SYT1: variants seen among roughly 807,000 people sequenced by gnomAD.
The protein encoded by SYT1 is synaptotagmin 1.
In SYT1, 8 loss-of-function variants were observed where a neutral mutation model predicts 44.8. That is an observed-to-expected ratio of 0.18 (90% CI 0.10 to 0.32). SYT1 has a LOEUF of 0.32. Among genes scored for constraint, SYT1 ranks in the 10% least tolerant of loss-of-function variants. The probability of loss-of-function intolerance (pLI) is 1.00; values close to 1 mark genes in which losing one functional copy is unlikely to be tolerated. For missense variants in SYT1, 286 were observed against 509.3 expected (o/e 0.56, Z 4.22); for synonymous variants, 154 against 188.8 (o/e 0.82, Z 1.51).
chr12:79,130,491 C>T (rs1173340352), intron 3 of SYT1, among the ~76,000 whole-genome samples: 2 of 152,108 alleles, frequency 1.3e-5, no homozygotes, highest in African/African-American at 2.4e-5. Context: ...GAATTGTCTG[C>T]CTTGATTCCA....
intron 1 of SYT1, among the ~76,000 whole-genome samples, chr12:78,906,203 GAAAA>G (rs143856801): frequency 0.05 from 7,418 of 149,332 alleles, 236 homozygotes; most frequent in Non-Finnish European, 0.072. Flanking sequence ...TCTTGAAATA[GAAAA>G]AAAAACAAAA....
At chr12:79,090,533 A>G (rs192081831) in intron 3 of SYT1, among the ~76,000 whole-genome samples, 119 of 152,136 alleles carry the variant, frequency 7.8e-4, no homozygotes, top group Non-Finnish European at 1.5e-3. Flanking sequence ...GCTGGGGTTC[A>G]TGTACATCAT....
chr12:78,890,948 C>A (rs959576374), intron 1 of SYT1, among the ~76,000 whole-genome samples: 2 of 151,870 alleles, frequency 1.3e-5, no homozygotes, highest in Admixed American at 1.3e-4. Context: ...CTAACATGCA[C>A]CTCTCCAGAT....
At chr12:78,923,520 T>G (rs940767432) in intron 1 of SYT1, among the ~76,000 whole-genome samples, 1 of 151,760 alleles carries the variant, frequency 6.6e-6, no homozygotes, top group Admixed American at 6.6e-5. Flanking sequence ...TACCCTTAAA[T>G]TGGGATGATT....
At chr12:79,305,423 G>A (rs1297412606) in intron 8 of SYT1, among the ~76,000 whole-genome samples, 1 of 152,042 alleles carries the variant, frequency 6.6e-6, no homozygotes. Context: ...TGGTCTCACA[G>A]CCTGGCTCTC....
chr12:78,943,466 T>C (rs140413465), intron 1 of SYT1, among the ~76,000 whole-genome samples: 2 of 152,296 alleles, frequency 1.3e-5, no homozygotes, highest in East Asian at 1.9e-4. Flanking sequence ...AATAGATTTC[T>C]TATGAACTCA....
chr12:79,178,832 C>T (rs960829678), intron 3 of SYT1, among the ~76,000 whole-genome samples: 10 of 149,376 alleles, frequency 6.7e-5, no homozygotes, highest in African/African-American at 1.7e-4. Flanking sequence ...GGCTGGAGTG[C>T]GATGGCGTGA....
intron 3 of SYT1, among the ~76,000 whole-genome samples, chr12:79,175,920 G>C (rs1871832510): frequency 6.6e-6 from 1 of 152,058 alleles, no homozygotes; most frequent in African/African-American, 2.4e-5. Context: ...TAATTTTAAT[G>C]TTAAAATAAT....
At chr12:79,395,324 G>A (rs1380654037) in intron 9 of SYT1, among the ~76,000 whole-genome samples, 1 of 151,994 alleles carries the variant, frequency 6.6e-6, no homozygotes, top group Non-Finnish European at 1.5e-5. Flanking sequence ...ATTCAATCAA[G>A]TCTTCTGCCT....
At chr12:78,996,183 A>T (rs1052471110) in intron 2 of SYT1, among the ~76,000 whole-genome samples, 4 of 152,182 alleles carry the variant, frequency 2.6e-5, no homozygotes, top group Non-Finnish European at 4.4e-5. Flanking sequence ...GCTGAACTTT[A>T]TGCTTCGCTA....
At chr12:78,955,289 A>C (rs1879149411) in intron 1 of SYT1, among the ~76,000 whole-genome samples, 2 of 151,806 alleles carry the variant, frequency 1.3e-5, no homozygotes. Context: ...TCAAACACAC[A>C]TTCAGGTTTT....
At chr12:79,283,599 G>C (rs1565889864) in intron 4 of SYT1, among the ~76,000 whole-genome samples, 1 of 152,132 alleles carries the variant, frequency 6.6e-6, no homozygotes, top group Admixed American at 6.5e-5. Context: ...TATGAATGCT[G>C]TCTTTCCCGC....
intron 3 of SYT1, among the ~76,000 whole-genome samples, chr12:79,165,662 C>G (rs1269951923): frequency 6.6e-6 from 1 of 151,914 alleles, no homozygotes; most frequent in African/African-American, 2.4e-5. Flanking sequence ...ATTTGAAGAC[C>G]TGACTCCCAT....
intron 4 of SYT1, among the ~76,000 whole-genome samples, chr12:79,270,459 T>A (rs1565884078): frequency 6.6e-6 from 1 of 152,228 alleles, no homozygotes; most frequent in Non-Finnish European, 1.5e-5. Flanking sequence ...CTGTATTGTC[T>A]TGAGGCTCTT....
chr12:79,292,012 T>A lies in SYT1; in HGVS notation c.356T>A (p.Leu119His). 9 of 1,613,762 alleles carry A rather than the reference T, an allele frequency of 5.6e-6. No homozygotes were observed. The highest frequency in any genetic ancestry group is 7.6e-6 in the Non-Finnish European group (9 of 1,179,970). ...TGATCCTTTCTCTATACATAGGCCC[T>A]CAAGGATGATGATGCTGAAACTGGA... ...DLGKTMKDQA[L>H]KDDDAETGLT... is the part of the protein sequence containing the mutation. Residue 119 changes from leucine to histidine, a missense_variant, in exon 6 of 11, where the codon CTC becomes CAC. Physicochemically the swap from Leu to His is moderately conservative, Grantham distance 99 (BLOSUM62 -3). Transcript: ENST00000261205.
intron 2 of SYT1, among the ~76,000 whole-genome samples, chr12:79,024,633 T>C (rs1010997226): frequency 2.1e-4 from 32 of 151,904 alleles, no homozygotes; most frequent in African/African-American, 7.5e-4. Context: ...GAAAACAGTA[T>C]TTGACTAAAA....
At chr12:79,038,548 T>TA (rs1334642316) in intron 2 of SYT1, among the ~76,000 whole-genome samples, 1 of 151,900 alleles carries the variant, frequency 6.6e-6, no homozygotes, top group Non-Finnish European at 1.5e-5. Flanking sequence ...AGTCAAAAGA[T>TA]ATGTAACAAA....
intron 3 of SYT1, among the ~76,000 whole-genome samples, chr12:79,113,922 C>T (rs1011843770): frequency 6.6e-6 from 1 of 152,098 alleles, no homozygotes; most frequent in African/African-American, 2.4e-5. Flanking sequence ...ATTATTTTAT[C>T]TCCCCATCTC....
At chr12:79,213,875 T>G (rs966880981) in intron 3 of SYT1, among the ~76,000 whole-genome samples, 1 of 152,014 alleles carries the variant, frequency 6.6e-6, no homozygotes, top group Non-Finnish European at 1.5e-5. Flanking sequence ...TGAGCAGAAA[T>G]TGCACCACTG....
Sources: allele counts gnomAD v4.1 joint callset (sites outside exome capture counted in the v4.1 genomes callset), GRCh38; gene constraint gnomAD v4.1.1; transcripts MANE v1.5; gene names NCBI Gene and HGNC (gene_info 2026-07-23, HGNC 2026-07-21).